The following ZFPM2 variants were observed in gnomAD, a reference collection of about 807,000 sequenced individuals.
The protein encoded by ZFPM2 is zinc finger protein, FOG family member 2.
ZFPM2 carries 20 observed loss-of-function variants against 98.6 expected under a neutral mutation model. The observed-to-expected ratio is 0.20, with a 90% confidence interval of 0.14 to 0.29. The LOEUF is 0.29. Ranked by LOEUF, ZFPM2 falls within the 10% of genes least tolerant of loss-of-function variation. The pLI, the probability that ZFPM2 is intolerant of heterozygous loss-of-function variation, is 1.00. For missense variants in ZFPM2, 1,310 were observed against 1,388.6 expected, an observed-to-expected ratio of 0.94 and a Z score of 0.90; for synonymous variants, 518 against 502.7, an observed-to-expected ratio of 1.03 and a Z score of -0.41.
chr8:105,353,665 C>T (rs1036690868), intron 1 of ZFPM2, among the ~76,000 whole-genome samples: 11 of 152,160 alleles, frequency 7.2e-5, no homozygotes, highest in African/African-American at 2.7e-4. Context: ...AAATATATAA[C>T]TGGATAGAAG....
chr8:105,740,735 A>G (rs1022383506), intron 5 of ZFPM2, among the ~76,000 whole-genome samples: 2 of 151,862 alleles, frequency 1.3e-5, no homozygotes, highest in Admixed American at 1.3e-4. Flanking sequence ...GGAAACAAAT[A>G]TAGCAGTGAA....
chr8:105,498,953 T>C (rs1211180054), intron 3 of ZFPM2, among the ~76,000 whole-genome samples: 1 of 152,158 alleles, frequency 6.6e-6, no homozygotes, highest in East Asian at 1.9e-4. Flanking sequence ...CTTGCAGGCA[T>C]TGGGGCAGGC....
At chr8:105,641,054 A>G (rs999829715) in intron 5 of ZFPM2, among the ~76,000 whole-genome samples, 9 of 152,020 alleles carry the variant, frequency 5.9e-5, no homozygotes, top group Non-Finnish European at 7.4e-5. Flanking sequence ...AAATGACTTC[A>G]GGATATAGGA....
intron 1 of ZFPM2, among the ~76,000 whole-genome samples, chr8:105,413,145 G>A (rs1345001801): frequency 6.6e-6 from 1 of 151,620 alleles, no homozygotes; most frequent in South Asian, 2.1e-4. Context: ...TATTAGAAGA[G>A]CTTTATATTT....
intron 1 of ZFPM2, among the ~76,000 whole-genome samples, chr8:105,357,364 C>T (rs1812768420): frequency 6.6e-6 from 1 of 152,150 alleles, no homozygotes; most frequent in African/African-American, 2.4e-5. Flanking sequence ...CTTTTTCTCC[C>T]TATGAAGAAT....
chr8:105,803,440 T>C lies in ZFPM2; in HGVS notation c.3358T>C (p.Tyr1120His), dbSNP rs1198119139. The C allele has an allele frequency of 1.9e-6, 3 of 1,613,766 alleles. No individual in the cohort carries two copies. The Admixed American group carries it at 5.0e-5, about 27-fold the overall frequency. The change falls in exon 8 of 8, where the codon TAT (tyrosine) becomes CAT (histidine). Residue 1120 changes from tyrosine (Y) to histidine (H), a missense_variant. Tyr to His is a moderately conservative substitution (Grantham distance 83). Coordinates refer to ENST00000407775, the MANE Select transcript of ZFPM2 (RefSeq NM_012082.4). ...GSSQAPTSGK[Y>H]CRLCDIQFNN... ...CAGCCAGGCTCCAACCAGTGGGAAATATTGCCGGCTATGTGATATCCAGTT... is the reference window on the plus strand; with the variant it reads ...CAGCCAGGCTCCAACCAGTGGGAAACATTGCCGGCTATGTGATATCCAGTT...
chr8:105,398,790 A>G (rs1184549111), intron 1 of ZFPM2, among the ~76,000 whole-genome samples: 1 of 152,170 alleles, frequency 6.6e-6, no homozygotes, highest in Non-Finnish European at 1.5e-5. Flanking sequence ...ATATGTATAC[A>G]TATAATTGGT....
At chr8:105,759,088 C>T (rs1430906141) in intron 5 of ZFPM2, among the ~76,000 whole-genome samples, 3 of 152,082 alleles carry the variant, frequency 2.0e-5, no homozygotes, top group African/African-American at 4.8e-5. Flanking sequence ...AGCTTAGGCT[C>T]ATAGAATACC....
At chr8:105,580,881 A>T (rs1815580824) in intron 4 of ZFPM2, among the ~76,000 whole-genome samples, 1 of 150,754 alleles carries the variant, frequency 6.6e-6, no homozygotes, top group Admixed American at 6.6e-5. Context: ...GATCACATTT[A>T]CTAATTAATT....
chr8:105,659,328 G>A (rs1169867168), intron 5 of ZFPM2, among the ~76,000 whole-genome samples: 1 of 152,108 alleles, frequency 6.6e-6, no homozygotes, highest in Non-Finnish European at 1.5e-5. Context: ...TGGCTGTTAT[G>A]CCCTAACCTT....
At chr8:105,661,817 T>G (rs1817394348) in intron 5 of ZFPM2, among the ~76,000 whole-genome samples, 1 of 152,072 alleles carries the variant, frequency 6.6e-6, no homozygotes, top group African/African-American at 2.4e-5. Flanking sequence ...CTTGAAGAAT[T>G]TTCTGTTTAA....
At chr8:105,730,630 G>T (rs1406295203) in intron 5 of ZFPM2, among the ~76,000 whole-genome samples, 1 of 151,566 alleles carries the variant, frequency 6.6e-6, no homozygotes, top group African/African-American at 2.4e-5. Flanking sequence ...CTCTCTTAAT[G>T]CCTCTTCTGG....
At chr8:105,547,248 T>C (rs180898346) in intron 3 of ZFPM2, among the ~76,000 whole-genome samples, 82 of 152,080 alleles carry the variant, frequency 5.4e-4, no homozygotes, top group Non-Finnish European at 8.7e-4. Context: ...ATGAATAATA[T>C]AAATAAATTA....
intron 5 of ZFPM2, among the ~76,000 whole-genome samples, chr8:105,724,619 G>A (rs978516551): frequency 6.6e-6 from 1 of 151,746 alleles, no homozygotes; most frequent in African/African-American, 2.4e-5. Flanking sequence ...AATAGCAATA[G>A]GAAGTGGAAA....
chr8:105,445,675 G>A (rs1812353086), intron 3 of ZFPM2, among the ~76,000 whole-genome samples: 1 of 151,750 alleles, frequency 6.6e-6, no homozygotes, highest in Non-Finnish European at 1.5e-5. Context: ...CATGATCTTG[G>A]CTCACTGCAG....
chr8:105,380,684 ATATTATATAT>A (rs1810843382), intron 1 of ZFPM2, among the ~76,000 whole-genome samples: 1 of 17,496 alleles, frequency 5.7e-5, no homozygotes, highest in Non-Finnish European at 1.0e-4. Flanking sequence ...TATTATATAT[ATATTATATAT>A]AACATATATA....
intron 4 of ZFPM2, among the ~76,000 whole-genome samples, chr8:105,612,406 C>A (rs1285472435): frequency 1.3e-5 from 2 of 151,830 alleles, no homozygotes; most frequent in African/African-American, 4.8e-5. Context: ...AATATTGAAG[C>A]CCCTGAGAGG....
At chr8:105,797,780 C>T (rs1410397442) in intron 6 of ZFPM2, among the ~76,000 whole-genome samples, 1 of 152,168 alleles carries the variant, frequency 6.6e-6, no homozygotes, top group Non-Finnish European at 1.5e-5. Context: ...ATCATCTTCC[C>T]TCTAAACCCA....
chr8:105,456,787 C>T (rs1812601492), intron 3 of ZFPM2, among the ~76,000 whole-genome samples: 1 of 152,154 alleles, frequency 6.6e-6, no homozygotes. Context: ...ATTCTCCTGC[C>T]TCAGCCTCCT....
Sources: allele counts gnomAD v4.1 joint callset (sites outside exome capture counted in the v4.1 genomes callset), GRCh38; gene constraint gnomAD v4.1.1; transcripts MANE v1.5; gene names NCBI Gene and HGNC (gene_info 2026-07-23, HGNC 2026-07-21).